CTIF: variants seen among roughly 807,000 people sequenced by gnomAD.
CTIF encodes cap binding complex dependent translation initiation factor.
CTIF carries 21 observed loss-of-function variants against 66.0 expected under a neutral mutation model. The observed-to-expected ratio is 0.32, with a 90% CI of 0.23 to 0.46. CTIF has a LOEUF of 0.46. Ranked by LOEUF, CTIF falls within the 20% of genes least tolerant of loss-of-function variation. CTIF has a pLI of 1.00. For synonymous variants in CTIF, 345 were observed against 326.4 expected (o/e 1.06, Z -0.62); for missense variants, 739 against 812.7 (o/e 0.91, Z 1.10).
chr18:48,600,527 G>C (rs1048576367), intron 1 of CTIF, among the ~76,000 whole-genome samples: 10 of 152,048 alleles, frequency 6.6e-5, no homozygotes, highest in African/African-American at 2.2e-4. Flanking sequence ...TCTCTCATTC[G>C]CCTTGGTATC....
chr18:48,677,617 C>CGGAT (rs2091653266), intron 6 of CTIF, among the ~76,000 whole-genome samples: 1 of 152,196 alleles, frequency 6.6e-6, no homozygotes, highest in Admixed American at 6.5e-5. Context: ...TGTCTTTGGT[C>CGGAT]GGATGTAACC....
chr18:48,789,708 G>A (rs1329723811), intron 9 of CTIF, among the ~76,000 whole-genome samples: 1 of 152,180 alleles, frequency 6.6e-6, no homozygotes, highest in Non-Finnish European at 1.5e-5. Context: ...TTGGCAAGCT[G>A]ATTCTAAAAT....
chr18:48,643,727 G>T (rs1198765957), intron 3 of CTIF, among the ~76,000 whole-genome samples: 1 of 152,174 alleles, frequency 6.6e-6, no homozygotes, highest in African/African-American at 2.4e-5. Context: ...GTCAGAGAAA[G>T]ACTTTTGCTT....
chr18:48,562,526 G>GC (rs1283435675), intron 1 of CTIF, among the ~76,000 whole-genome samples: 3 of 152,184 alleles, frequency 2.0e-5, no homozygotes, highest in South Asian at 2.1e-4. Context: ...TCTTTCTGCA[G>GC]CCCCCCGGGA....
chr18:48,746,831 C>T (rs138011484), intron 7 of CTIF, among the ~76,000 whole-genome samples: 123 of 152,230 alleles, frequency 8.1e-4, no homozygotes, highest in Non-Finnish European at 1.4e-3. Context: ...ATCCCACCTG[C>T]AACCACTGCT....
At chr18:48,764,756 C>G (rs544577982) in intron 9 of CTIF, among the ~76,000 whole-genome samples, 1 of 152,372 alleles carries the variant, frequency 6.6e-6, no homozygotes, top group South Asian at 2.1e-4. Flanking sequence ...TAGGCCACCA[C>G]TCACCCCTGT....
In CTIF at chr18:48,551,310, T is replaced by G. The variant is rs2088874783; in HGVS notation, c.-29+11998T>G. 2.0e-5 allele frequency among the ~76,000 whole-genome samples: 3 copies of G among 151,974 alleles called. No individual in the cohort carries two copies. In the South Asian group the frequency reaches 6.3e-4, roughly 32 times the overall value. On this transcript the variant is annotated intron_variant, in intron 1 of 11. Coordinates refer to ENST00000256413, the MANE Select transcript of CTIF (RefSeq NM_014772.3). ...TCCAGAATAAATACATTTCTGCTGA[T>G]GAAGCCACCCAGTCTATGGTGGCCT...
chr18:48,580,032 T>C (rs2089619389), intron 1 of CTIF, among the ~76,000 whole-genome samples: 1 of 152,260 alleles, frequency 6.6e-6, no homozygotes, highest in African/African-American at 2.4e-5. Flanking sequence ...TCCGTTCATC[T>C]GTCCATCAAT....
intron 3 of CTIF, chr18:48,662,550 C>G (rs1386499340): frequency 1.3e-5 from 2 of 151,796 alleles, no homozygotes; most frequent in African/African-American, 4.9e-5. Context: ...CCTCCTGCCT[C>G]CTGTCTGTGG....
At chr18:48,733,403 A>C (rs1242852704) in intron 7 of CTIF, among the ~76,000 whole-genome samples, 1 of 152,162 alleles carries the variant, frequency 6.6e-6, no homozygotes, top group Non-Finnish European at 1.5e-5. Flanking sequence ...AGTGTTGAAT[A>C]GGGCTAGCTG....
chr18:48,548,323 A>G lies in CTIF; in HGVS notation c.-29+9011A>G, dbSNP rs139992398. Reference sequence around the variant, plus strand: ...TTGGGGCATTTGCTGAGATACTTACACGTTTGAACCATGAGATCAAGAAAG... The same window carrying G: ...TTGGGGCATTTGCTGAGATACTTACGCGTTTGAACCATGAGATCAAGAAAG... On this transcript the variant is annotated intron_variant, in intron 1 of 11. Transcript: ENST00000256413. Among the ~76,000 whole-genome samples the G allele has an allele frequency of 1.6e-3, 248 of 152,300 alleles. 5 individuals are homozygous for G. The East Asian group carries it at 0.046, about 28-fold the overall frequency.
In CTIF at chr18:48,636,682, GCAGGTAGGGAAC is replaced by G. The variant is rs748310472; in HGVS notation, c.252+1_252+12del. 7 of 1,596,026 alleles carry G rather than the reference GCAGGTAGGGAAC, an allele frequency of 4.4e-6. No individual in the cohort carries two copies. On this transcript the variant is annotated splice_donor_variant and splice_donor_5th_base_variant and coding_sequence_variant and intron_variant, in exon 3 of 12. Transcript: ENST00000256413. LOFTEE classifies it high-confidence loss of function. ...TCTCCCGAGGGCGAGCCCCCCCACAGCAGGTAGGGAACCAGCTCTGCGCTCTGTCTGGGGGTG... is the reference window on the plus strand; with the variant it reads ...TCTCCCGAGGGCGAGCCCCCCCACAGCAGCTCTGCGCTCTGTCTGGGGGTG...
At chr18:48,722,637 C>A (rs1017870472) in intron 7 of CTIF, among the ~76,000 whole-genome samples, 1 of 151,942 alleles carries the variant, frequency 6.6e-6, no homozygotes, top group African/African-American at 2.4e-5. Context: ...CATCGGCACT[C>A]ACAGGTGTAA....
intron 2 of CTIF, among the ~76,000 whole-genome samples, chr18:48,628,888 G>C (rs1055497837): frequency 8.5e-5 from 13 of 152,220 alleles, no homozygotes; most frequent in East Asian, 5.8e-4. Flanking sequence ...TCACTGGATA[G>C]AGAATGAGCT....
At chr18:48,797,710 C>T (rs1191359809) in intron 9 of CTIF, among the ~76,000 whole-genome samples, 1 of 152,114 alleles carries the variant, frequency 6.6e-6, no homozygotes, top group East Asian at 1.9e-4. Context: ...TCCTCAGATT[C>T]ATCCAATGAG....
intron 7 of CTIF, among the ~76,000 whole-genome samples, chr18:48,719,891 G>C (rs918765132): frequency 6.6e-6 from 1 of 152,172 alleles, no homozygotes; most frequent in Admixed American, 6.5e-5. Flanking sequence ...GCATCACTCA[G>C]GCATGAGTTA....
chr18:48,697,785 A>G (rs1467161517), intron 6 of CTIF, among the ~76,000 whole-genome samples: 2 of 152,072 alleles, frequency 1.3e-5, no homozygotes, highest in Non-Finnish European at 2.9e-5. Context: ...CTCCTGAGAG[A>G]TGACATGTGA....
intron 7 of CTIF, among the ~76,000 whole-genome samples, chr18:48,736,801 A>T (rs2145712971): frequency 6.6e-6 from 1 of 152,180 alleles, no homozygotes; most frequent in East Asian, 1.9e-4. Context: ...GGCAAAACAT[A>T]AGGAGCCTCC....
chr18:48,575,720 C>T (rs1391538696), intron 1 of CTIF, among the ~76,000 whole-genome samples: 1 of 152,224 alleles, frequency 6.6e-6, no homozygotes, highest in Admixed American at 6.5e-5. Context: ...TAAAGCCTCC[C>T]TGCCCCGGAT....
Sources: allele counts gnomAD v4.1 joint callset (sites outside exome capture counted in the v4.1 genomes callset), GRCh38; gene constraint gnomAD v4.1.1; transcripts MANE v1.5; gene names NCBI Gene and HGNC (gene_info 2026-07-23, HGNC 2026-07-21).